GRK3: variants seen among roughly 807,000 people sequenced by gnomAD.
GRK3 encodes the protein adrenergic, beta, receptor kinase 2.
In GRK3, 54 loss-of-function variants were observed where a neutral mutation model predicts 95.7. That is an observed-to-expected ratio of 0.56 (90% CI 0.45 to 0.71). The LOEUF is 0.71. Among genes scored for constraint, GRK3 ranks in the 30% least tolerant of loss-of-function variants. The pLI is 0.00. For missense variants in GRK3, 649 were observed against 851.2 expected, an observed-to-expected ratio of 0.76 and a Z score of 2.96; for synonymous variants, 281 against 290.8, an observed-to-expected ratio of 0.97 and a Z score of 0.34.
intron 1 of GRK3, among the ~76,000 whole-genome samples, chr22:25,566,800 C>T (rs1297688700): frequency 6.6e-6 from 1 of 152,128 alleles, no homozygotes; most frequent in African/African-American, 2.4e-5. Flanking sequence ...CCTCTTTTGT[C>T]TTGCCTTTCC....
intron 12 of GRK3, among the ~76,000 whole-genome samples, chr22:25,691,153 G>A (rs1317969548): frequency 6.6e-6 from 1 of 152,194 alleles, no homozygotes; most frequent in African/African-American, 2.4e-5. Flanking sequence ...GATCTGGGTG[G>A]AAAGTATGAA....
chr22:25,672,200 C>CTTTATTTGA, intron 6 of GRK3, 96 bp from the exon 7 acceptor site: 1 of 601,402 alleles, frequency 1.7e-6, no homozygotes. Flanking sequence ...GACAAGCAAC[C>CTTTATTTGA]CAAGTAATGC....
chr22:25,571,658 G>A (rs1230268770), intron 1 of GRK3, among the ~76,000 whole-genome samples: 1 of 152,190 alleles, frequency 6.6e-6, no homozygotes, highest in African/African-American at 2.4e-5. Flanking sequence ...GGTGCCATGT[G>A]CTCTGAGGGA....
At chr22:25,598,793 CTT>C (rs2084389357) in intron 1 of GRK3, among the ~76,000 whole-genome samples, 1 of 151,858 alleles carries the variant, frequency 6.6e-6, no homozygotes, top group African/African-American at 2.4e-5. Context: ...ACAGAGAGAA[CTT>C]AGACTGGTTT....
intron 2 of GRK3, among the ~76,000 whole-genome samples, chr22:25,638,811 A>G (rs1359692019): frequency 1.3e-5 from 2 of 152,182 alleles, no homozygotes; most frequent in East Asian, 3.8e-4. Flanking sequence ...CTCCTCAGCA[A>G]CTCATTGGAG....
At chr22:25,712,327 C>T (rs993303964) in intron 17 of GRK3, among the ~76,000 whole-genome samples, 34 of 152,220 alleles carry the variant, frequency 2.2e-4, no homozygotes, top group Admixed American at 3.9e-4. Context: ...GATGCCTAGA[C>T]CTGTGCACAA....
intron 2 of GRK3, among the ~76,000 whole-genome samples, chr22:25,623,101 G>T (rs917674932): frequency 6.6e-6 from 1 of 152,036 alleles, no homozygotes; most frequent in Non-Finnish European, 1.5e-5. Flanking sequence ...GCCACCACAT[G>T]TGGCTAATTT....
chr22:25,690,089 A>G (rs555845287), intron 11 of GRK3, 100 bp from the exon 12 acceptor site: 45 of 789,596 alleles, frequency 5.7e-5, no homozygotes, highest in Middle Eastern at 4.7e-4. Flanking sequence ...GGAACAAACT[A>G]TGATAAAATA....
chr22:25,674,506 A>C lies in GRK3; in HGVS notation c.625A>C (p.Arg209=), dbSNP rs770788642. The C allele has an allele frequency of 5.6e-6, 9 of 1,613,658 alleles. No homozygotes were observed. Among genetic ancestry groups the C allele is most frequent in the East Asian group, 4.5e-5 (2 of 44,874 alleles). ...RGGFGEVYGC[R]KADTGKMYAM... ...AGGATTCGGGGAAGTTTATGGTTGC[A>C]GGAAAGCAGACACTGGAAAAATGTA... The change falls in exon 8 of 21, where the codon AGG becomes CGG. Residue 209 remains arginine (R), a synonymous_variant. Transcript: ENST00000324198.
intron 11 of GRK3, among the ~76,000 whole-genome samples, chr22:25,688,013 G>C (rs1269148900): frequency 1.3e-5 from 2 of 152,128 alleles, no homozygotes; most frequent in Non-Finnish European, 2.9e-5. Flanking sequence ...AAGGAGGGCG[G>C]ATCACAAGGT....
At chr22:25,653,520 C>A (rs904970450) in intron 3 of GRK3, among the ~76,000 whole-genome samples, 1 of 152,110 alleles carries the variant, frequency 6.6e-6, no homozygotes, top group South Asian at 2.1e-4. Flanking sequence ...CAAAAATTGG[C>A]AGATATAAAA....
intron 6 of GRK3, among the ~76,000 whole-genome samples, chr22:25,671,017 G>A (rs2084977568): frequency 6.6e-6 from 1 of 150,542 alleles, no homozygotes; most frequent in Non-Finnish European, 1.5e-5. Context: ...TCGCGCCGCT[G>A]CACTACAGTC....
intron 20 of GRK3, among the ~76,000 whole-genome samples, chr22:25,722,079 G>C (rs2085436703): frequency 6.6e-6 from 1 of 152,200 alleles, no homozygotes; most frequent in Non-Finnish European, 1.5e-5. Flanking sequence ...ATCATCTGAA[G>C]GGTTTTAATG....
At chr22:25,669,962 G>T (rs544945421) in intron 6 of GRK3, among the ~76,000 whole-genome samples, 1 of 152,188 alleles carries the variant, frequency 6.6e-6, no homozygotes, top group African/African-American at 2.4e-5. Flanking sequence ...ATGTGGTTTT[G>T]CCTTTTGCAT....
intron 12 of GRK3, among the ~76,000 whole-genome samples, chr22:25,692,653 A>C (rs1288638595): frequency 6.6e-6 from 1 of 152,184 alleles, no homozygotes; most frequent in Non-Finnish European, 1.5e-5. Context: ...TGCATATGTC[A>C]TCTTCACGGA....
At chr22:25,597,289 GGGAAGGGTA>G (rs1252806378) in intron 1 of GRK3, among the ~76,000 whole-genome samples, 1 of 152,060 alleles carries the variant, frequency 6.6e-6, no homozygotes, top group Admixed American at 6.6e-5. Flanking sequence ...ATAGAAAGTT[GGGAAGGGTA>G]GGAGAAAGGG....
intron 3 of GRK3, among the ~76,000 whole-genome samples, chr22:25,660,499 C>T (rs560562294): frequency 6.0e-4 from 91 of 152,278 alleles, no homozygotes; most frequent in African/African-American, 2.1e-3. Context: ...AATTTCTCAG[C>T]GTGTGAACCT....
intron 1 of GRK3, among the ~76,000 whole-genome samples, chr22:25,567,681 A>G (rs1357587967): frequency 6.6e-6 from 1 of 152,246 alleles, no homozygotes; most frequent in East Asian, 1.9e-4. Flanking sequence ...TGGTATCTGA[A>G]TGAGAAGCAT....
rs922933839 is a variant in GRK3, at chr22:25,690,275, T to C, written c.1044T>C (p.His348=). ...GCGATTTTTCCAAAAAGAAGCCTCA[T>C]GCGAGTGTGTAAGTAGTGCGTCAAC... is the stretch of plus-strand genomic sequence containing the variant. ...LACDFSKKKP[H]ASVGTHGYMA... The change falls in exon 12 of 21, where the codon CAT becomes CAC. Residue 348 remains histidine, a synonymous_variant. Coordinates refer to ENST00000324198, the MANE Select transcript of GRK3 (RefSeq NM_005160.4). The C allele has an allele frequency of 3.4e-5, 55 of 1,612,742 alleles. No homozygotes were observed. The highest frequency in any genetic ancestry group is 4.1e-5 in the Non-Finnish European group (48 of 1,178,806).
Sources: allele counts gnomAD v4.1 joint callset (sites outside exome capture counted in the v4.1 genomes callset), GRCh38; gene constraint gnomAD v4.1.1; transcripts MANE v1.5; gene names NCBI Gene and HGNC (gene_info 2026-07-23, HGNC 2026-07-21).